MPP7: variants seen among roughly 807,000 people sequenced by gnomAD.
MPP7 encodes the protein MAGUK p55 subfamily member 7.
In MPP7, 60 loss-of-function variants were observed where a neutral mutation model predicts 76.5. The observed-to-expected ratio is 0.78, with a 90% CI of 0.64 to 0.97. The LOEUF (loss-of-function observed/expected upper bound fraction) is 0.97. MPP7 is among the 50% of genes least tolerant of loss of function. The pLI, the probability that MPP7 is intolerant of heterozygous loss-of-function variation, is 0.00. For synonymous variants in MPP7, 237 were observed against 244.5 expected, an observed-to-expected ratio of 0.97 and a Z score of 0.29; for missense variants, 641 against 694.0, an observed-to-expected ratio of 0.92 and a Z score of 0.86.
At chr10:28,071,620 T>TG in intron 12 of MPP7, among the ~76,000 whole-genome samples, 1 of 152,126 alleles carries the variant, frequency 6.6e-6, no homozygotes, top group African/African-American at 2.4e-5. Flanking sequence ...ATTAATACAT[T>TG]GACCTAACTA....
chr10:28,332,267 G>GTGTGTGTGTGTGTGTT (rs1164016608), intron 1 of MPP7, among the ~76,000 whole-genome samples: 7 of 151,844 alleles, frequency 4.6e-5, no homozygotes, highest in Admixed American at 1.3e-4. Flanking sequence ...GTGTGTGTGT[G>GTGTGTGTGTGTGTGTT]TGTGTGTGTG....
At chr10:28,087,272 C>T (rs1455213547) in intron 12 of MPP7, among the ~76,000 whole-genome samples, 2 of 152,170 alleles carry the variant, frequency 1.3e-5, no homozygotes, top group Non-Finnish European at 2.9e-5. Context: ...GAGGCCCTCG[C>T]CAGATGCCCA....
In MPP7 at chr10:28,236,388, G is replaced by A. The variant is rs574080100; in HGVS notation, c.37+2180C>T. On this transcript the variant is annotated intron_variant, in intron 2 of 16. Coordinates refer to ENST00000683449, the MANE Select transcript of MPP7 (RefSeq NM_001318170.2). The stretch of plus-strand genomic sequence containing the variant: ...ACCAACACTTTTCTATATTTAACAC[G>A]GAAATATCTCTCCAAGAATATAGCT... Among the ~76,000 whole-genome samples the A allele has an allele frequency of 3.3e-4, 50 of 152,080 alleles. 1 individual carries two copies. Among genetic ancestry groups the A allele is most frequent in the African/African-American group, 9.9e-4 (41 of 41,488 alleles).
chr10:28,304,994 C>T (rs910290121), upstream of MPP7, among the ~76,000 whole-genome samples: 1 of 152,002 alleles, frequency 6.6e-6, no homozygotes. Context: ...AACTTCCAGA[C>T]CGGGATCAGG....
At chr10:28,281,890 G>A (rs1266865548) in intron 1 of MPP7, 4 of 152,086 alleles carry the variant, frequency 2.6e-5, no homozygotes, top group South Asian at 2.1e-4. Context: ...TGGCCCTAAC[G>A]TTTTCAGTTG....
At chr10:28,334,763 A>G (rs1437114333), upstream of MPP7, among the ~76,000 whole-genome samples, 1 of 152,186 alleles carries the variant, frequency 6.6e-6, no homozygotes, top group Non-Finnish European at 1.5e-5. Flanking sequence ...CTAAAGACAG[A>G]GTGGGATTCT....
chr10:28,068,504 G>A (rs1245098626), intron 13 of MPP7, among the ~76,000 whole-genome samples: 3 of 151,264 alleles, frequency 2.0e-5, no homozygotes, highest in Non-Finnish European at 3.0e-5. Context: ...ATATTAAGTA[G>A]TCAAATGGCC....
chr10:28,176,827 T>C (rs1219355320), intron 3 of MPP7, among the ~76,000 whole-genome samples: 1 of 130,260 alleles, frequency 7.7e-6, no homozygotes, highest in African/African-American at 2.9e-5. Flanking sequence ...AATTGAACAA[T>C]GAGAACACTT....
intron 1 of MPP7, among the ~76,000 whole-genome samples, chr10:28,260,570 G>C (rs1041571760): frequency 6.6e-6 from 1 of 151,872 alleles, no homozygotes; most frequent in South Asian, 2.1e-4. Flanking sequence ...GGTCAGGAAT[G>C]AGACCAGCCT....
chr10:28,300,675 G>T (rs1258924330), intron 1 of MPP7, among the ~76,000 whole-genome samples: 1 of 152,074 alleles, frequency 6.6e-6, no homozygotes, highest in Non-Finnish European at 1.5e-5. Context: ...ATTCAGGCTG[G>T]GTGCAATGGC....
upstream of MPP7, among the ~76,000 whole-genome samples, chr10:28,303,776 T>A (rs1000409508): frequency 3.9e-5 from 6 of 152,192 alleles, no homozygotes; most frequent in Non-Finnish European, 5.9e-5. Flanking sequence ...GTAAACATGC[T>A]TAATATCTGA....
chr10:28,188,490 G>T (rs544091010), intron 3 of MPP7, among the ~76,000 whole-genome samples: 1 of 152,162 alleles, frequency 6.6e-6, no homozygotes, highest in South Asian at 2.1e-4. Flanking sequence ...ATAGACAAAG[G>T]ACTTTTCCAT....
Position 28,053,945 on chromosome 10 carries a change from A to T in MPP7, c.*120T>A, listed in dbSNP as rs1851447537. On this transcript the variant is annotated 3_prime_UTR_variant, in exon 17 of 17. Transcript: ENST00000683449. ...AAGATACAAACAAAACCAGCATTCA[A>T]CTTGAACCAAGATTGTACATCTATG... 3 of 774,726 alleles carry T rather than the reference A, an allele frequency of 3.9e-6. No homozygotes were observed. In the East Asian group the frequency reaches 7.5e-5, roughly 19 times the overall value. The allele number at this position is 774,726 out of a possible 1,614,324, so 48.0% of individuals were successfully genotyped here.
At chr10:28,081,275 C>T (rs1852747226) in intron 12 of MPP7, among the ~76,000 whole-genome samples, 9 of 152,178 alleles carry the variant, frequency 5.9e-5, no homozygotes, top group Admixed American at 5.2e-4. Flanking sequence ...CTTTTTAACA[C>T]CTAAGTCTTC....
At chr10:28,233,927 A>G (rs559270836) in intron 2 of MPP7, among the ~76,000 whole-genome samples, 63 of 151,922 alleles carry the variant, frequency 4.1e-4, no homozygotes, top group African/African-American at 1.5e-3. Context: ...AGAGGGAAAG[A>G]AGAGAGAAGA....
At chr10:28,149,769 G>A (rs1835819200) in intron 4 of MPP7, among the ~76,000 whole-genome samples, 1 of 152,230 alleles carries the variant, frequency 6.6e-6, no homozygotes, top group African/African-American at 2.4e-5. Flanking sequence ...GAACAAGAGA[G>A]TAGCTACATG....
intron 12 of MPP7, among the ~76,000 whole-genome samples, chr10:28,083,483 T>C (rs973048481): frequency 3.9e-5 from 6 of 152,156 alleles, no homozygotes; most frequent in Non-Finnish European, 5.9e-5. Context: ...AGTAGAACTA[T>C]TACTAAGAAG....
At chr10:28,078,601 GTATT>G (rs1852607710) in intron 12 of MPP7, among the ~76,000 whole-genome samples, 1 of 151,960 alleles carries the variant, frequency 6.6e-6, no homozygotes, top group Non-Finnish European at 1.5e-5. Flanking sequence ...ATGTAAGTAA[GTATT>G]TATCTGCTTC....
chr10:28,168,114 G>A (rs1376199908), intron 3 of MPP7, among the ~76,000 whole-genome samples: 6 of 152,116 alleles, frequency 3.9e-5, no homozygotes, highest in East Asian at 1.9e-4. Flanking sequence ...GCGCATGCTT[G>A]TAGTCCTAGC....
Sources: gnomAD v4.1 joint callset for allele counts (sites outside exome capture counted in the v4.1 genomes callset) on GRCh38, gnomAD v4.1.1 for gene constraint, MANE v1.5 for transcripts, NCBI Gene and HGNC (gene_info 2026-07-23, HGNC 2026-07-21) for gene names.